Variants in ZMYM5 observed in about 807,000 individuals in gnomAD.
ZMYM5 encodes the protein zinc finger MYM-type protein 5.
A neutral mutation model predicts 61.8 loss-of-function variants in ZMYM5; 41 were observed. The ratio of observed to expected loss-of-function variants is 0.66; its 90% CI spans 0.52 to 0.86. The LOEUF (loss-of-function observed/expected upper bound fraction) is 0.86, where lower values mean the gene tolerates loss of function less well. Among genes scored for constraint, ZMYM5 ranks in the 40% least tolerant of loss-of-function variants. The probability of loss-of-function intolerance (pLI) is 0.00; values close to 1 mark genes in which losing one functional copy is unlikely to be tolerated. For missense variants in ZMYM5, 706 were observed against 786.7 expected, an observed-to-expected ratio of 0.90 and a Z score of 1.23; for synonymous variants, 257 against 276.4, an observed-to-expected ratio of 0.93 and a Z score of 0.70.
Position 19,838,660 on chromosome 13 carries a change from T to C in ZMYM5, c.872+40A>G, listed in dbSNP as rs754207735. 5.0e-6 allele frequency: 8 copies of C among 1,598,676 alleles called. No individual in the cohort carries two copies. In the African/African-American group the frequency reaches 1.1e-4, roughly 21 times the overall value. On this transcript the variant is annotated intron_variant, in intron 5 of 7. Transcript: ENST00000337963. ...ATTGAGTACTTATTTATACCATTAG[T>C]ATTCAACTATGTGGAGAAATGTTGA...
In ZMYM5 at chr13:19,857,795, A is replaced by G. The variant is rs566052636; in HGVS notation, c.-11+4604T>C. Among the ~76,000 whole-genome samples, 4 of 152,260 alleles carry G rather than the reference A, an allele frequency of 2.6e-5. No individual in the cohort carries two copies. In the South Asian group the frequency reaches 8.3e-4, roughly 32 times the overall value. On this transcript the variant is annotated intron_variant, in intron 2 of 7. Coordinates refer to ENST00000337963, the MANE Select transcript of ZMYM5 (RefSeq NM_001142684.2). ...TTGGGAGGCTGAATAAGATGGGAGG[A>G]TAGCTTGAGCCCAGGAGTTCAAGAC...
Position 19,824,432 on chromosome 13 carries a change from T to C in ZMYM5, c.*45A>G, listed in dbSNP as rs1890806400. Reference sequence around the variant, plus strand: ...TATTGCAGGACAGATGTTTTCTGAGTAATGTAAGATTCTGATCATCATGCC... The same window carrying C: ...TATTGCAGGACAGATGTTTTCTGAGCAATGTAAGATTCTGATCATCATGCC... On this transcript the variant is annotated 3_prime_UTR_variant, in exon 8 of 8. Coordinates refer to ENST00000337963, the MANE Select transcript of ZMYM5 (RefSeq NM_001142684.2). 2 of 1,258,120 alleles carry C rather than the reference T, an allele frequency of 1.6e-6. No individual in the cohort carries two copies. The highest frequency in any genetic ancestry group is 1.5e-5 in the African/African-American group (1 of 64,554). The allele number at this position is 1,258,120 out of a possible 1,614,324, so 77.9% of individuals were successfully genotyped here.
chr13:19,839,943 C>T (rs1952808282), intron 4 of ZMYM5, among the ~76,000 whole-genome samples: 1 of 152,140 alleles, frequency 6.6e-6, no homozygotes, highest in Non-Finnish European at 1.5e-5. Context: ...TCAAAAGGTA[C>T]AGTATTACTT....
At chr13:19,827,838 T>C (rs955257018) in intron 7 of ZMYM5, among the ~76,000 whole-genome samples, 2 of 150,590 alleles carry the variant, frequency 1.3e-5, no homozygotes, top group Non-Finnish European at 3.0e-5. Flanking sequence ...GAGACCATGG[T>C]GAAACCCCGT....
rs1593833051 is a variant in ZMYM5 at position 19,824,389 on chromosome 13, C to A, written c.*88G>T. The stretch of plus-strand genomic sequence containing the variant: ...CAAGTTACTCTGTAGAGGAGACTTA[C>A]AACACAATAGTACTGACTATTGCAG... On this transcript the variant is annotated 3_prime_UTR_variant, in exon 8 of 8. Coordinates refer to ENST00000337963, the MANE Select transcript of ZMYM5 (RefSeq NM_001142684.2). 1.8e-6 allele frequency: 2 copies of A among 1,126,220 alleles called. No homozygotes were observed. Among genetic ancestry groups the A allele is most frequent in the East Asian group, 6.2e-5 (1 of 16,202 alleles). 69.8% of individuals were successfully genotyped at this position (1,126,220 alleles called of 1,614,324 possible). A position where few individuals can be genotyped will look rare whatever the true frequency, so the allele number is the denominator to read the frequency against.
rs116555952 is a variant in ZMYM5, at chr13:19,835,188, T to C, written c.1251+289A>G. Among the ~76,000 whole-genome samples, 493 of 152,136 alleles carry C rather than the reference T, an allele frequency of 3.2e-3. 3 individuals carry two copies. The highest frequency in any genetic ancestry group is 8.6e-3 in the African/African-American group (355 of 41,512). ...TAAAAAATTTTTAGTAGAGATTACGTCTCACTATGCTGCCCAGGATGGTCT... is the reference window on the plus strand; with the variant it reads ...TAAAAAATTTTTAGTAGAGATTACGCCTCACTATGCTGCCCAGGATGGTCT... On this transcript the variant is annotated intron_variant, in intron 7 of 7. Coordinates refer to ENST00000337963, the MANE Select transcript of ZMYM5 (RefSeq NM_001142684.2).
chr13:19,845,083 AAC>A (rs1318202077), intron 4 of ZMYM5, among the ~76,000 whole-genome samples: 1 of 152,222 alleles, frequency 6.6e-6, no homozygotes, highest in Non-Finnish European at 1.5e-5. Context: ...GTTTATGAGA[AAC>A]AGTTTGTAAT....
In ZMYM5 at chr13:19,838,686, A is replaced by G. The variant is rs1481625135; in HGVS notation, c.872+14T>C. On this transcript the variant is annotated intron_variant, in intron 5 of 7. Coordinates refer to ENST00000337963, the MANE Select transcript of ZMYM5 (RefSeq NM_001142684.2). ...ATTCAACTATGTGGAGAAATGTTGAAAGGTACTGCTTACTTTTTACATATT... is the reference window on the plus strand; with the variant it reads ...ATTCAACTATGTGGAGAAATGTTGAGAGGTACTGCTTACTTTTTACATATT... 6.2e-7 allele frequency: 1 copy of G among 1,612,520 alleles called. No individual in the cohort carries two copies. The highest frequency in any genetic ancestry group is 8.5e-7 in the Non-Finnish European group (1 of 1,178,716).
chr13:19,851,735 T>G lies in ZMYM5; in HGVS notation c.446A>C (p.Lys149Thr), dbSNP rs1050538214. 5.1e-6 allele frequency: 8 copies of G among 1,583,514 alleles called. No homozygotes were observed. Among genetic ancestry groups the G allele is most frequent in the Admixed American group, 4.0e-5 (2 of 50,338 alleles). Reference sequence around the variant, plus strand: ...AGTGGAGAAATCCAAATCGTTGGTTTTGTTTTTAGTTCCAGGAAGTCCCCA... The same window carrying G: ...AGTGGAGAAATCCAAATCGTTGGTTGTGTTTTTAGTTCCAGGAAGTCCCCA... ...IEWGLPGTKNKTNDLDFSTSS... is the reference protein window; with the variant it reads ...IEWGLPGTKNTTNDLDFSTSS... Residue 149 changes from lysine (K) to threonine (T), a missense_variant, in exon 3 of 8, where the codon AAA becomes ACA. Around this residue, in one of 2 missense-constraint regions of ZMYM5, gnomAD observed 480 missense variants for 461.7 expected, o/e 1.04. Transcript: ENST00000337963.
At chr13:19,842,998 T>A (rs1039783311) in intron 4 of ZMYM5, among the ~76,000 whole-genome samples, 1 of 147,820 alleles carries the variant, frequency 6.8e-6, no homozygotes. Flanking sequence ...TTTTTTTACA[T>A]GGACATGGAG....
Position 19,824,420 on chromosome 13 carries a change from AT to A in ZMYM5, c.*56del. ...AATAGTACTGACTATTGCAGGACAG[AT>A]GTTTTCTGAGTAATGTAAGATTCTG... On this transcript the variant is annotated 3_prime_UTR_variant, in exon 8 of 8. Transcript: ENST00000337963. 8.0e-7 allele frequency: 1 copy of A among 1,247,382 alleles called. No homozygotes were observed. Among genetic ancestry groups the A allele is most frequent in the Non-Finnish European group, 1.0e-6 (1 of 972,032 alleles). 77.3% of individuals were successfully genotyped at this position (1,247,382 alleles called of 1,614,324 possible). A position where few individuals can be genotyped will look rare whatever the true frequency, so the allele number is the denominator to read the frequency against.
At chr13:19,847,803 A>ATTTTTTTTTTTTTTTTTTTTTT in intron 4 of ZMYM5, among the ~76,000 whole-genome samples, 1 of 79,894 alleles carries the variant, frequency 1.3e-5, no homozygotes, top group Non-Finnish European at 2.2e-5. Context: ...TGCCCGGCTA[A>ATTTTTTTTTTTTTTTTTTTTTT]TTTTTTTTTT....
chr13:19,862,347 G>A (rs1323318194), intron 2 of ZMYM5, 52 bp downstream of exon 2: 2 of 151,170 alleles, frequency 1.3e-5, no homozygotes, highest in African/African-American at 4.9e-5. Context: ...CCCTACTACT[G>A]CACTAATTAT....
At position 19,838,707 on chromosome 13, in the gene ZMYM5, A is replaced by AT; in HGVS notation, c.864dup (p.Cys289MetfsTer2). ...TTGAAAGGTACTGCTTACTTTTTAC[A>AT]TATTATGCTTCGTGTGTTTTGAGTA... On this transcript the variant is annotated frameshift_variant, in exon 5 of 8. Coordinates refer to ENST00000337963, the MANE Select transcript of ZMYM5 (RefSeq NM_001142684.2). LOFTEE classifies it high-confidence loss of function. 1 of 1,614,048 alleles carries AT rather than the reference A, an allele frequency of 6.2e-7. No homozygotes were observed. Among genetic ancestry groups the AT allele is most frequent in the Non-Finnish European group, 8.5e-7 (1 of 1,179,948 alleles).
At chr13:19,845,441 T>G (rs1953041204) in intron 4 of ZMYM5, among the ~76,000 whole-genome samples, 1 of 152,234 alleles carries the variant, frequency 6.6e-6, no homozygotes. Flanking sequence ...CACTTATGAA[T>G]GTTATCCTAA....
chr13:19,827,691 A>C (rs1359744524), intron 7 of ZMYM5, among the ~76,000 whole-genome samples: 1 of 152,120 alleles, frequency 6.6e-6, no homozygotes, highest in Non-Finnish European at 1.5e-5. Flanking sequence ...TTTTGGTGTC[A>C]ATAAAATTAT....
intron 6 of ZMYM5, among the ~76,000 whole-genome samples, chr13:19,836,860 C>A (rs1952688316): frequency 6.6e-6 from 1 of 152,066 alleles, no homozygotes; most frequent in Admixed American, 6.6e-5. Flanking sequence ...TTCTTCTCTT[C>A]TAGGAAATGG....
intron 2 of ZMYM5, among the ~76,000 whole-genome samples, chr13:19,853,940 T>C (rs1027983802): frequency 7.2e-5 from 11 of 152,032 alleles, no homozygotes; most frequent in Non-Finnish European, 1.6e-4. Flanking sequence ...ATTTTACAGG[T>C]GTTGAATGAT....
At chr13:19,832,398 C>G (rs1189450037) in intron 7 of ZMYM5, among the ~76,000 whole-genome samples, 1 of 151,818 alleles carries the variant, frequency 6.6e-6, no homozygotes. Flanking sequence ...ATGATCTCGG[C>G]CCACTGCAAC....
Sources: gnomAD v4.1 joint callset for allele counts (sites outside exome capture counted in the v4.1 genomes callset) on GRCh38, gnomAD v4.1.1 for gene constraint, gnomAD v4.1.1 regional missense constraint, MANE v1.5 for transcripts, NCBI Gene and HGNC (gene_info 2026-07-23, HGNC 2026-07-21) for gene names.